ENO4: variants seen among roughly 807,000 people sequenced by gnomAD.
The protein encoded by ENO4 is 2-phospho-D-glycerate hydro-lyase.
In ENO4, 53 loss-of-function variants were observed where a neutral mutation model predicts 63.2. The ratio of observed to expected loss-of-function variants is 0.84; its 90% CI spans 0.67 to 1.05. The LOEUF is 1.05. ENO4 is among the 50% of genes least tolerant of loss of function. ENO4 has a pLI of 0.00. For missense variants in ENO4, 719 were observed against 772.0 expected, an observed-to-expected ratio of 0.93 and a Z score of 0.81; for synonymous variants, 266 against 283.8, an observed-to-expected ratio of 0.94 and a Z score of 0.63.
chr10:116,898,859 T>C (rs534432414), intron 10 of ENO4, among the ~76,000 whole-genome samples: 38 of 152,314 alleles, frequency 2.5e-4, no homozygotes, highest in African/African-American at 8.7e-4. Context: ...TGCTTTCTTA[T>C]AAGTCCCTAG....
intron 7 of ENO4, among the ~76,000 whole-genome samples, chr10:116,863,757 G>A (rs549006545): frequency 3.3e-5 from 5 of 152,302 alleles, no homozygotes; most frequent in East Asian, 1.9e-4. Flanking sequence ...CTCCCCTGCC[G>A]CGATGGTGGT....
rs532745968 is a variant in ENO4, at chr10:116,855,730, C to T, written c.273C>T (p.Cys91=). 3.3e-5 allele frequency: 50 copies of T among 1,535,794 alleles called. No individual in the cohort carries two copies. The highest frequency in any genetic ancestry group is 4.3e-5 in the Non-Finnish European group (49 of 1,146,508). ...GLPTLQVDIF[C]TIQNFPKNVC... The stretch of plus-strand genomic sequence containing the variant: ...CAACCCTGCAAGTGGACATATTCTG[C>T]ACCATTCAAAACTTTCCCAAGGTAT... The change falls in exon 2 of 14, where the codon TGC becomes TGT. Residue 91 remains cysteine (C), a synonymous_variant. Coordinates refer to ENST00000341276, the MANE Select transcript of ENO4 (RefSeq NM_001242699.2).
intron 12 of ENO4, 30 bp from the exon 13 acceptor site, chr10:116,879,839 G>T: frequency 6.7e-7 from 1 of 1,494,248 alleles, no homozygotes; most frequent in Non-Finnish European, 9.1e-7. Context: ...TGGCTCCTCC[G>T]TCTAAAATTA....
At position 116,849,599 on chromosome 10, in the gene ENO4, G is replaced by T; in HGVS notation, c.33G>T (p.Gly11=). 1.9e-6 allele frequency: 3 copies of T among 1,548,544 alleles called. No homozygotes were observed. Among genetic ancestry groups the T allele is most frequent in the Non-Finnish European group, 2.6e-6 (3 of 1,146,094 alleles). ...AAGAAGGCGGCGGCCGCAGCTGTGG[G>T]ACCACTAGGGAGCTGCAGAAGCTGA... MEEEGGGRSC[G]TTRELQKLKQ... is the part of the protein sequence containing the mutation. The change falls in exon 1 of 14, where the codon GGG becomes GGT. Residue 11 remains glycine (G), a synonymous_variant. Transcript: ENST00000341276.
chr10:116,887,998 C>G (rs1233346451), intron 10 of ENO4, among the ~76,000 whole-genome samples: 1 of 152,194 alleles, frequency 6.6e-6, no homozygotes, highest in African/African-American at 2.4e-5. Context: ...CACTTTCTGA[C>G]CAGTACTGTA....
chr10:116,888,760 A>T (rs1343375335), intron 10 of ENO4, among the ~76,000 whole-genome samples: 1 of 152,218 alleles, frequency 6.6e-6, no homozygotes, highest in Non-Finnish European at 1.5e-5. Context: ...AAGCTATAAC[A>T]GAGCCTGCCC....
chr10:116,867,690 T>C (rs985535001), intron 7 of ENO4, among the ~76,000 whole-genome samples: 8 of 152,156 alleles, frequency 5.3e-5, no homozygotes, highest in Non-Finnish European at 1.2e-4. Flanking sequence ...GTTGTTTTTT[T>C]CCCTGGTTAT....
chr10:116,850,005 G>A, intron 1 of ENO4: 2 of 619,862 alleles, frequency 3.2e-6, no homozygotes, highest in South Asian at 3.5e-5. Context: ...CCAGGGGCTG[G>A]CAGGCTTCCT....
chr10:116,880,090 AAAG>A, intron 13 of ENO4, 104 bp downstream of exon 13: 2 of 836,572 alleles, frequency 2.4e-6, no homozygotes, highest in East Asian at 5.5e-5. Context: ...AGGGGAATCC[AAAG>A]ACCATACATA....
intron 11 of ENO4, among the ~76,000 whole-genome samples, chr10:116,878,315 GGAA>G (rs1846892503): frequency 6.6e-6 from 1 of 152,204 alleles, no homozygotes; most frequent in Non-Finnish European, 1.5e-5. Context: ...GCCAGAGGAT[GGAA>G]GAAGATGCTC....
At chr10:116,850,718 A>T (rs1170079420) in intron 1 of ENO4, among the ~76,000 whole-genome samples, 1 of 152,052 alleles carries the variant, frequency 6.6e-6, no homozygotes. Context: ...ATCAAAGGGG[A>T]GAGGTGTGGG....
intron 7 of ENO4, among the ~76,000 whole-genome samples, chr10:116,867,576 G>T (rs1034759210): frequency 6.6e-6 from 1 of 152,168 alleles, no homozygotes; most frequent in Non-Finnish European, 1.5e-5. Context: ...GTGACAGAGT[G>T]AGACCCTGTC....
At chr10:116,902,571 A>G (rs1377644018) in intron 10 of ENO4, among the ~76,000 whole-genome samples, 1 of 152,236 alleles carries the variant, frequency 6.6e-6, no homozygotes, top group African/African-American at 2.4e-5. Flanking sequence ...TTTAAAAACC[A>G]TAATAAAACT....
intron 10 of ENO4, among the ~76,000 whole-genome samples, chr10:116,909,342 G>A (rs1366578231): frequency 6.6e-6 from 1 of 151,956 alleles, no homozygotes; most frequent in Non-Finnish European, 1.5e-5. Context: ...AAAATTTCTG[G>A]GTATTTTGGA....
chr10:116,858,318 C>T (rs1301593929), intron 3 of ENO4, among the ~76,000 whole-genome samples: 1 of 152,084 alleles, frequency 6.6e-6, no homozygotes, highest in Non-Finnish European at 1.5e-5. Flanking sequence ...ATACTTTGCC[C>T]CCATGGTTGA....
intron 10 of ENO4, among the ~76,000 whole-genome samples, chr10:116,892,807 T>C (rs1847378671): frequency 6.6e-6 from 1 of 152,208 alleles, no homozygotes; most frequent in Non-Finnish European, 1.5e-5. Flanking sequence ...TAGCTTCTTC[T>C]ATTTGAATAA....
intron 8 of ENO4, among the ~76,000 whole-genome samples, chr10:116,869,308 C>G (rs192917401): frequency 4.1e-4 from 62 of 152,230 alleles, no homozygotes; most frequent in Non-Finnish European, 8.1e-4. Context: ...CTATTATAGC[C>G]TAAACTTTCA....
chr10:116,878,828 CT>C (rs943265838), intron 11 of ENO4, among the ~76,000 whole-genome samples: 7 of 145,606 alleles, frequency 4.8e-5, no homozygotes, highest in African/African-American at 1.8e-4. Context: ...ACTGCAAGCT[CT>C]GCCTCCCGGG....
rs979319704 is a variant in ENO4, at chr10:116,881,507, TTAAA to T, written c.1724-5_1724-2del. ...TTAGACAGTAAACTTTATTGTTACT[TTAAA>T]TAGGTTTCAAAGAAGAACACACTTT... On this transcript the variant is annotated splice_polypyrimidine_tract_variant and splice_region_variant and intron_variant, in intron 13 of 13. Coordinates refer to ENST00000341276, the MANE Select transcript of ENO4 (RefSeq NM_001242699.2). The T allele has an allele frequency of 7.7e-5, 118 of 1,532,762 alleles. No homozygotes were observed. Among genetic ancestry groups the T allele is most frequent in the African/African-American group, 5.4e-4 (39 of 72,036 alleles). 94.9% of individuals were successfully genotyped at this position (1,532,762 alleles called of 1,614,324 possible).
Sources: allele counts gnomAD v4.1 joint callset (sites outside exome capture counted in the v4.1 genomes callset), GRCh38; gene constraint gnomAD v4.1.1; transcripts MANE v1.5; gene names NCBI Gene and HGNC (gene_info 2026-07-23, HGNC 2026-07-21).